PTPRQ: variants seen among roughly 807,000 people sequenced by gnomAD.
The protein encoded by PTPRQ is protein tyrosine phosphatase receptor type Q.
In PTPRQ, 199 loss-of-function variants were observed where a neutral mutation model predicts 246.0. That is an observed-to-expected ratio of 0.81 (90% CI 0.72 to 0.91). PTPRQ has a LOEUF of 0.91. Among genes scored for constraint, PTPRQ ranks in the 40% least tolerant of loss-of-function variants. The pLI is 0.00. For synonymous variants in PTPRQ, 869 were observed against 853.2 expected (o/e 1.02, Z -0.32); for missense variants, 2,624 against 2,528.4 (o/e 1.04, Z -0.81).
At chr12:80,531,606 G>A (rs1592621945) in intron 17 of PTPRQ, among the ~76,000 whole-genome samples, 1 of 152,162 alleles carries the variant, frequency 6.6e-6, no homozygotes, top group Non-Finnish European at 1.5e-5. Flanking sequence ...GGAAAATGGA[G>A]TTCGAGCCTT....
intron 28 of PTPRQ, among the ~76,000 whole-genome samples, chr12:80,613,250 A>C (rs1291064260): frequency 1.3e-5 from 2 of 150,628 alleles, no homozygotes; most frequent in African/African-American, 2.4e-5. Flanking sequence ...TGTTTTTGCC[A>C]CTTCTTTTGA....
chr12:80,629,729 G>C (rs1364770873), intron 33 of PTPRQ, among the ~76,000 whole-genome samples: 1 of 152,124 alleles, frequency 6.6e-6, no homozygotes, highest in African/African-American at 2.4e-5. Context: ...CTTGTATGTT[G>C]AAAATAGGTG....
At chr12:80,635,145 G>T in intron 35 of PTPRQ, 72 bp downstream of exon 35, 2 of 1,495,330 alleles carry the variant, frequency 1.3e-6, no homozygotes, top group Non-Finnish European at 1.8e-6. Context: ...ACCTATGCTT[G>T]TTGGAAGTGT....
intron 25 of PTPRQ, among the ~76,000 whole-genome samples, chr12:80,558,081 C>A (rs1299332008): frequency 7.0e-6 from 1 of 142,498 alleles, no homozygotes; most frequent in Non-Finnish European, 1.5e-5. Context: ...CCCTTCCCTC[C>A]CCTTCCCTCC....
intron 3 of PTPRQ, among the ~76,000 whole-genome samples, chr12:80,446,665 G>A (rs1189384248): frequency 6.6e-6 from 1 of 151,930 alleles, no homozygotes; most frequent in Non-Finnish European, 1.5e-5. Flanking sequence ...CCACTTGTAA[G>A]TGAGAATGTG....
chr12:80,558,914 C>G (rs910902035), intron 25 of PTPRQ, among the ~76,000 whole-genome samples: 4 of 152,062 alleles, frequency 2.6e-5, no homozygotes, highest in African/African-American at 9.7e-5. Flanking sequence ...TTACTTTTGC[C>G]CATTTCCTCA....
At chr12:80,541,448 G>A (rs953141344) in intron 20 of PTPRQ, 107 bp from the exon 21 acceptor site, 1 of 786,418 alleles carries the variant, frequency 1.3e-6, no homozygotes, top group Admixed American at 4.0e-5. Flanking sequence ...TAATTTAAGA[G>A]CTGATGATGT....
chr12:80,467,771 A>G (rs1204854358), intron 6 of PTPRQ, among the ~76,000 whole-genome samples: 2 of 150,244 alleles, frequency 1.3e-5, no homozygotes, highest in Admixed American at 6.7e-5. Flanking sequence ...AAAACCAAAC[A>G]CCGCATATTC....
intron 33 of PTPRQ, among the ~76,000 whole-genome samples, chr12:80,626,379 T>G (rs10862175): frequency 9.9e-5 from 15 of 151,894 alleles, no homozygotes. Flanking sequence ...ATACTAATAC[T>G]CATTTTAGAA....
intron 18 of PTPRQ, 42 bp downstream of exon 18, chr12:80,534,217 C>A: frequency 7.1e-7 from 1 of 1,417,204 alleles, no homozygotes; most frequent in Non-Finnish European, 9.3e-7. Flanking sequence ...TGTTCTTTTT[C>A]TTTAAAAAAA....
chr12:80,628,053 T>C (rs1256740589), intron 33 of PTPRQ, among the ~76,000 whole-genome samples: 1 of 152,104 alleles, frequency 6.6e-6, no homozygotes, highest in African/African-American at 2.4e-5. Flanking sequence ...ATGAGAACAT[T>C]TTTTTCCCAC....
chr12:80,540,770 T>C (rs1209486595), intron 20 of PTPRQ, among the ~76,000 whole-genome samples: 1 of 151,936 alleles, frequency 6.6e-6, no homozygotes, highest in Non-Finnish European at 1.5e-5. Flanking sequence ...ATTTGGGGAG[T>C]CTTTAGCAAA....
intron 3 of PTPRQ, among the ~76,000 whole-genome samples, chr12:80,452,865 A>T (rs1358293695): frequency 1.3e-5 from 2 of 151,974 alleles, no homozygotes; most frequent in Non-Finnish European, 2.9e-5. Flanking sequence ...CTTCTCGAGG[A>T]GTATCTTTGT....
chr12:80,453,232 CT>C (rs1892837564), intron 3 of PTPRQ, among the ~76,000 whole-genome samples: 1 of 152,142 alleles, frequency 6.6e-6, no homozygotes, highest in Non-Finnish European at 1.5e-5. Flanking sequence ...CCTTTAAGCA[CT>C]TCTCTATATT....
intron 3 of PTPRQ, among the ~76,000 whole-genome samples, chr12:80,451,029 G>T (rs1892748699): frequency 6.6e-6 from 1 of 152,210 alleles, no homozygotes; most frequent in African/African-American, 2.4e-5. Flanking sequence ...TCGTTGGCAA[G>T]CTATCGCTTA....
rs1303977183 is a variant in PTPRQ, at chr12:80,472,148, C to A, written c.1083C>A (p.Phe361Leu). ...GCACAAAAGACCTCAAGTTTGCATT[C>A]ACTAACCTAACACCATTTACAATGT... ...DNSTKDLKFA[F>L]TNLTPFTMYD... The change falls in exon 8 of 45, where the codon TTC becomes TTA. Residue 361 changes from phenylalanine to leucine, a missense_variant. Physicochemically the swap from Phe to Leu is conservative, Grantham distance 22. Transcript: ENST00000644991. 5 of 1,551,434 alleles carry A rather than the reference C, an allele frequency of 3.2e-6. No homozygotes were observed. The highest frequency in any genetic ancestry group is 4.4e-6 in the Non-Finnish European group (5 of 1,146,954).
Position 80,613,743 on chromosome 12 carries a change from C to G in PTPRQ, c.5070C>G (p.Val1690=). 6.5e-7 allele frequency: 1 copy of G among 1,545,848 alleles called. No individual in the cohort carries two copies. Residue 1690 remains valine (V), a synonymous_variant, in exon 29 of 45, where the codon GTC becomes GTG. Coordinates refer to ENST00000644991, the MANE Select transcript of PTPRQ (RefSeq NM_001145026.2). The part of the protein sequence containing the change: ...LVYREDDPTA[V]QIHNLSIIQK... ...ACCGAGAAGATGATCCTACTGCTGTCCAGATTCACAACCTCAGTATTATAC... is the reference window on the plus strand; with the variant it reads ...ACCGAGAAGATGATCCTACTGCTGTGCAGATTCACAACCTCAGTATTATAC...
intron 6 of PTPRQ, among the ~76,000 whole-genome samples, chr12:80,467,342 A>C (rs1893462007): frequency 6.6e-6 from 1 of 152,208 alleles, no homozygotes; most frequent in South Asian, 2.1e-4. Flanking sequence ...GCAATCATTA[A>C]AAAGTCAGGA....
intron 36 of PTPRQ, 92 bp from the exon 37 acceptor site, chr12:80,649,496 C>T (rs955909892): frequency 1.4e-6 from 2 of 1,453,660 alleles, no homozygotes; most frequent in Non-Finnish European, 1.8e-6. Context: ...GTCCATTGTT[C>T]TTTAACTTGT....
Sources: gnomAD v4.1 joint callset for allele counts (sites outside exome capture counted in the v4.1 genomes callset) on GRCh38, gnomAD v4.1.1 for gene constraint, MANE v1.5 for transcripts, NCBI Gene and HGNC (gene_info 2026-07-23, HGNC 2026-07-21) for gene names.